MYO16: variants seen among roughly 807,000 people sequenced by gnomAD.
MYO16 encodes the protein myosin XVI, also known as unconventional myosin-XVI.
MYO16 carries 94 observed loss-of-function variants against 205.3 expected under a neutral mutation model. That is an observed-to-expected ratio of 0.46 (90% confidence interval 0.39 to 0.54). MYO16 has a LOEUF of 0.54. Among genes scored for constraint, MYO16 ranks in the 20% least tolerant of loss-of-function variants. The pLI, the probability that MYO16 is intolerant of heterozygous loss-of-function variation, is 0.00. For missense variants in MYO16, 2,315 were observed against 2,387.5 expected, an observed-to-expected ratio of 0.97 and a Z score of 0.63; for synonymous variants, 988 against 954.0, an observed-to-expected ratio of 1.04 and a Z score of -0.66.
chr13:109,146,253 A>T (rs1877323841), intron 32 of MYO16, among the ~76,000 whole-genome samples: 1 of 152,234 alleles, frequency 6.6e-6, no homozygotes, highest in African/African-American at 2.4e-5. Flanking sequence ...CTGAATAAGA[A>T]CATTATGAGT....
intron 1 of MYO16, among the ~76,000 whole-genome samples, chr13:108,617,625 T>C (rs1200574171): frequency 2.0e-5 from 3 of 151,954 alleles, no homozygotes; most frequent in Admixed American, 6.6e-5. Context: ...GATAGTACAG[T>C]CTCCATAAAC....
At chr13:108,579,501 C>T in the MYO16 span, among the ~76,000 whole-genome samples, 3 of 145,156 alleles carry the variant, frequency 2.1e-5, no homozygotes, top group African/African-American at 5.1e-5. Context: ...AGTGCAGTGG[C>T]GCGATCTCTG....
rs754732474 is a variant in MYO16, at chr13:108,844,479, A to G, written c.1234A>G (p.Thr412Ala). Residue 412 changes from threonine (T) to alanine (A), a missense_variant, in exon 10 of 35, where the codon ACC becomes GCC. By Grantham distance (58) the Thr-to-Ala change is moderately conservative (BLOSUM62 0). This residue lies in a region of MYO16 where 1,213 missense variants were observed against 1,274.4 expected (regional missense o/e 0.95). Coordinates refer to ENST00000457511, the MANE Select transcript of MYO16 (RefSeq NM_001198950.3). ...IPENPMMSGSTKPEQVKLMPP... is the reference protein window; with the variant it reads ...IPENPMMSGSAKPEQVKLMPP... The stretch of plus-strand genomic sequence containing the variant: ...TGAAAACCCCATGATGAGCGGTTCC[A>G]CCAAACCCGAGCAGGTAATCATGCT... The G allele has an allele frequency of 1.7e-5, 27 of 1,610,560 alleles. No homozygotes were observed. Among genetic ancestry groups the G allele is most frequent in the Middle Eastern group, 1.7e-4 (1 of 6,060 alleles).
intron 7 of MYO16, among the ~76,000 whole-genome samples, chr13:108,814,467 T>TTA (rs1887389117): frequency 6.6e-6 from 1 of 152,018 alleles, no homozygotes; most frequent in Non-Finnish European, 1.5e-5. Flanking sequence ...TTCTGACATA[T>TTA]GATATAAAAG....
the MYO16 span, among the ~76,000 whole-genome samples, chr13:108,546,551 C>T: frequency 6.6e-6 from 1 of 152,088 alleles, no homozygotes; most frequent in Non-Finnish European, 1.5e-5. Context: ...GCTTGTCTGG[C>T]ACTTTATGTT....
chr13:109,063,037 T>C (rs371957794), intron 27 of MYO16, among the ~76,000 whole-genome samples: 52 of 152,298 alleles, frequency 3.4e-4, no homozygotes, highest in African/African-American at 1.2e-3. Flanking sequence ...ATGTCCAGTT[T>C]TGCCGTTGGG....
intron 1 of MYO16, among the ~76,000 whole-genome samples, chr13:108,641,762 A>G (rs1222523329): frequency 1.3e-5 from 2 of 152,198 alleles, no homozygotes; most frequent in Non-Finnish European, 2.9e-5. Context: ...TTCCATTCTT[A>G]GGGAATCCTA....
At chr13:109,057,894 A>T (rs1441726402) in intron 27 of MYO16, among the ~76,000 whole-genome samples, 1 of 152,100 alleles carries the variant, frequency 6.6e-6, no homozygotes, top group Non-Finnish European at 1.5e-5. Flanking sequence ...CTGAGGTCTC[A>T]GGAAGTGATC....
rs1271133748 is a variant in MYO16, at chr13:109,206,615, C to A, written c.5422C>A (p.His1808Asn). 6.2e-7 allele frequency: 1 copy of A among 1,610,980 alleles called. No homozygotes were observed. Among genetic ancestry groups the A allele is most frequent in the Non-Finnish European group, 8.5e-7 (1 of 1,177,466 alleles). Residue 1808 changes from histidine to asparagine, a missense_variant, in exon 35 of 35, where the codon CAT becomes AAT. By Grantham distance (68) the His-to-Asn change is moderately conservative (BLOSUM62 1). Coordinates refer to ENST00000457511, the MANE Select transcript of MYO16 (RefSeq NM_001198950.3). ...GCCCCTCTTCCTCCCACAGGTAATC[C>A]ATCAGCTGAGGCTCTCAGAGAATGA... ...HRDSHTTQVI[H>N]QLRLSENESV... is the part of the protein sequence containing the mutation.
At chr13:108,610,105 C>G (rs1879117217) in intron 1 of MYO16, among the ~76,000 whole-genome samples, 1 of 152,184 alleles carries the variant, frequency 6.6e-6, no homozygotes, top group Non-Finnish European at 1.5e-5. Flanking sequence ...CAGGCTTACT[C>G]TTTCTTCAAC....
At chr13:108,718,221 T>A (rs540821114) in intron 3 of MYO16, among the ~76,000 whole-genome samples, 21 of 152,218 alleles carry the variant, frequency 1.4e-4, no homozygotes, top group African/African-American at 4.8e-4. Flanking sequence ...ATCTTATTTT[T>A]AAAAATGTCT....
In MYO16 at chr13:108,752,001, A is replaced by C. The variant is rs566427605; in HGVS notation, c.507+24418A>C. On this transcript the variant is annotated intron_variant, in intron 4 of 34. Transcript: ENST00000457511. ...GGGATTTGCATGTAGTGAACACTTC[A>C]GTTCATGATCATGTATCTGTAGTAG... Among the ~76,000 whole-genome samples the C allele has an allele frequency of 2.6e-5, 4 of 152,300 alleles. No homozygotes were observed. The East Asian group carries it at 7.7e-4, about 29-fold the overall frequency.
chr13:108,897,275 G>A (rs946124222), intron 14 of MYO16, among the ~76,000 whole-genome samples: 4 of 152,182 alleles, frequency 2.6e-5, no homozygotes, highest in Admixed American at 2.6e-4. Flanking sequence ...GTCAATTGAT[G>A]AAGAAGCAGT....
intron 21 of MYO16, among the ~76,000 whole-genome samples, chr13:109,002,600 A>G (rs1255806255): frequency 2.0e-5 from 3 of 152,142 alleles, no homozygotes; most frequent in African/African-American, 4.8e-5. Context: ...ATTCACGTCT[A>G]CTCTGAGGAA....
At chr13:108,552,952 C>G in the MYO16 span, among the ~76,000 whole-genome samples, 1 of 149,508 alleles carries the variant, frequency 6.7e-6, no homozygotes, top group Non-Finnish European at 1.5e-5. Flanking sequence ...GAGGGTGGAG[C>G]CCTCGGTCTA....
At chr13:108,962,517 A>G in intron 19 of MYO16, 22 bp downstream of exon 19, 2 of 1,470,892 alleles carry the variant, frequency 1.4e-6, no homozygotes, top group Non-Finnish European at 1.9e-6. Context: ...ATGCTCTAAC[A>G]TCTTTGTGCA....
chr13:108,843,594 T>G (rs188807282), intron 9 of MYO16, among the ~76,000 whole-genome samples: 227 of 152,352 alleles, frequency 1.5e-3, no homozygotes, highest in Admixed American at 2.5e-3. Context: ...TTACATAGAT[T>G]GCACTTGATT....
At chr13:108,834,154 T>C (rs1876772434) in intron 9 of MYO16, among the ~76,000 whole-genome samples, 1 of 152,134 alleles carries the variant, frequency 6.6e-6, no homozygotes, top group African/African-American at 2.4e-5. Context: ...GGGAGAATGA[T>C]TGAGCTCAAT....
At chr13:108,791,512 A>G (rs1479102105) in intron 5 of MYO16, among the ~76,000 whole-genome samples, 1 of 152,208 alleles carries the variant, frequency 6.6e-6, no homozygotes, top group Non-Finnish European at 1.5e-5. Flanking sequence ...ATCAAATACT[A>G]TCAACACCAT....
Sources: allele counts gnomAD v4.1 joint callset (sites outside exome capture counted in the v4.1 genomes callset), GRCh38; gene constraint gnomAD v4.1.1; regional missense constraint gnomAD v4.1.1; transcripts MANE v1.5; gene names NCBI Gene and HGNC (gene_info 2026-07-23, HGNC 2026-07-21).